Variants in LIMK2 observed in about 807,000 individuals in gnomAD.
LIMK2 encodes the protein LIM domain kinase 2.
Under a neutral mutation model 75.7 loss-of-function variants are expected in LIMK2, and 35 were observed. That is an observed-to-expected ratio of 0.46 (90% CI 0.35 to 0.61). LIMK2 has a LOEUF of 0.61. LIMK2 is among the 20% of genes least tolerant of loss of function. The probability of loss-of-function intolerance (pLI) is 0.00; values close to 1 mark genes in which losing one functional copy is unlikely to be tolerated. For synonymous variants in LIMK2, 301 were observed against 319.2 expected (o/e 0.94, Z 0.61); for missense variants, 623 against 831.0 (o/e 0.75, Z 3.08).
intron 2 of LIMK2, among the ~76,000 whole-genome samples, chr22:31,243,691 C>G (rs1337276554): frequency 6.6e-6 from 1 of 152,198 alleles, no homozygotes; most frequent in Non-Finnish European, 1.5e-5. Context: ...AATTGCCAGT[C>G]AAAGGATTCC....
At chr22:31,218,341 A>C (rs2123763154) in intron 1 of LIMK2, among the ~76,000 whole-genome samples, 1 of 152,330 alleles carries the variant, frequency 6.6e-6, no homozygotes, top group Middle Eastern at 3.4e-3. Flanking sequence ...AAACCAAAGA[A>C]GGGAAGAAGA....
intron 1 of LIMK2, among the ~76,000 whole-genome samples, chr22:31,217,080 C>G (rs1040858907): frequency 6.6e-6 from 1 of 151,832 alleles, no homozygotes; most frequent in Non-Finnish European, 1.5e-5. Flanking sequence ...TTGTTTTGTC[C>G]AGGAAAGAAA....
chr22:31,226,500 G>A, intron 2 of LIMK2, among the ~76,000 whole-genome samples: 2 of 152,264 alleles, frequency 1.3e-5, no homozygotes, highest in Non-Finnish European at 2.9e-5. Context: ...ACTGTGCCCA[G>A]CCAAGAGTTG....
In LIMK2 at chr22:31,277,081, T is replaced by C. The variant is rs151191437; in HGVS notation, c.1773-1216T>C. The C allele has an allele frequency of 2.4e-3, 3,824 of 1,613,962 alleles. 9 individuals carry two copies. Among genetic ancestry groups the C allele is most frequent in the Non-Finnish European group, 3.1e-3 (3,615 of 1,179,874 alleles). On this transcript the variant is annotated intron_variant, in intron 15 of 15. Coordinates refer to ENST00000331728, the MANE Select transcript of LIMK2 (RefSeq NM_005569.4). ...TTACAAACCCACAGAGGCCTTCATC[T>C]CTGGCCTGCTGGACAAGATCCGGGC...
chr22:31,219,563 C>CT (rs1254948546), intron 1 of LIMK2, among the ~76,000 whole-genome samples: 2 of 151,716 alleles, frequency 1.3e-5, no homozygotes, highest in Non-Finnish European at 2.9e-5. Context: ...CTGGACTCTT[C>CT]TTTTTTTTAT....
intron 14 of LIMK2, among the ~76,000 whole-genome samples, chr22:31,274,333 C>G (rs1263936747): frequency 6.6e-6 from 1 of 152,098 alleles, no homozygotes; most frequent in African/African-American, 2.4e-5. Flanking sequence ...TTCTGTAATT[C>G]CTACAAAGTT....
At chr22:31,254,219 A>G (rs573509111) in intron 2 of LIMK2, among the ~76,000 whole-genome samples, 15 of 152,350 alleles carry the variant, frequency 9.8e-5, no homozygotes, top group Non-Finnish European at 1.6e-4. Flanking sequence ...GCAGCAAACA[A>G]AAGCAGGATA....
chr22:31,230,371 T>A (rs2123783228), intron 2 of LIMK2, among the ~76,000 whole-genome samples: 1 of 152,312 alleles, frequency 6.6e-6, no homozygotes, highest in East Asian at 1.9e-4. Flanking sequence ...TGACCTGGCC[T>A]CTTGGCATGT....
At chr22:31,234,585 G>A (rs1217098331) in intron 2 of LIMK2, among the ~76,000 whole-genome samples, 1 of 151,624 alleles carries the variant, frequency 6.6e-6, no homozygotes, top group Non-Finnish European at 1.5e-5. Context: ...GCTGGTCGTG[G>A]TGGCGTGTGC....
intron 5 of LIMK2, among the ~76,000 whole-genome samples, chr22:31,260,666 T>C (rs984477319): frequency 2.0e-5 from 3 of 152,232 alleles, no homozygotes; most frequent in Admixed American, 6.5e-5. Flanking sequence ...GTATCTACCA[T>C]GTGTTGGACA....
At chr22:31,265,883 C>G in intron 7 of LIMK2, 63 bp from the exon 8 acceptor site, 3 of 1,444,676 alleles carry the variant, frequency 2.1e-6, no homozygotes, top group Non-Finnish European at 2.9e-6. Context: ...TTCCTCCCTC[C>G]AGGGTTTCTT....
chr22:31,259,030 GGTCATTCAC>G, intron 3 of LIMK2, 82 bp from the exon 4 acceptor site: 1 of 723,910 alleles, frequency 1.4e-6, no homozygotes, highest in Non-Finnish European at 2.5e-6. Flanking sequence ...CTTGCTTGGA[GGTCATTCAC>G]CCACCCCTGT....
At chr22:31,250,340 G>C (rs1055024760) in intron 2 of LIMK2, among the ~76,000 whole-genome samples, 3 of 152,126 alleles carry the variant, frequency 2.0e-5, no homozygotes, top group Non-Finnish European at 4.4e-5. Context: ...TTTACCCTTG[G>C]AGAGGCAGGG....
intron 7 of LIMK2, among the ~76,000 whole-genome samples, chr22:31,264,436 G>A (rs1329173877): frequency 6.6e-6 from 1 of 152,242 alleles, no homozygotes; most frequent in Admixed American, 6.5e-5. Flanking sequence ...CTGTTCACCT[G>A]CAGTGCTGTG....
intron 15 of LIMK2, chr22:31,277,459 T>G: frequency 8.9e-7 from 1 of 1,129,524 alleles, no homozygotes; most frequent in Non-Finnish European, 1.1e-6. Flanking sequence ...CACATTAGAG[T>G]TGAAATTTTC....
chr22:31,245,100 T>A (rs2048656535), intron 2 of LIMK2, among the ~76,000 whole-genome samples: 2 of 152,170 alleles, frequency 1.3e-5, no homozygotes, highest in Non-Finnish European at 2.9e-5. Context: ...GTTCAGTGCT[T>A]CCTTCTTCTG....
chr22:31,240,294 A>G (rs2048613486), intron 2 of LIMK2, among the ~76,000 whole-genome samples: 1 of 152,198 alleles, frequency 6.6e-6, no homozygotes, highest in South Asian at 2.1e-4. Context: ...CTCCACTGCC[A>G]TCAGTAGCAC....
Position 31,266,062 on chromosome 22 carries a change from A to G in LIMK2, c.971A>G (p.Gln324Arg), listed in dbSNP as rs779831503. 24 of 1,614,084 alleles carry G rather than the reference A, an allele frequency of 1.5e-5. No homozygotes were observed. The highest frequency in any genetic ancestry group is 6.8e-6 in the Non-Finnish European group (8 of 1,180,040). The change falls in exon 8 of 16, where the codon CAG (glutamine) becomes CGG (arginine). Residue 324 changes from glutamine to arginine, a missense_variant. Coordinates refer to ENST00000331728, the MANE Select transcript of LIMK2 (RefSeq NM_005569.4). ...CGTTGTTCCAGCAGCTATTCACAGCAGATCTTCCGGCCCTGTGACCTAATC... is the reference window on the plus strand; with the variant it reads ...CGTTGTTCCAGCAGCTATTCACAGCGGATCTTCCGGCCCTGTGACCTAATC... ...SLRCSSSYSQ[Q>R]IFRPCDLIHG...
At chr22:31,224,504 A>G (rs1282320301) in intron 1 of LIMK2, among the ~76,000 whole-genome samples, 1 of 152,154 alleles carries the variant, frequency 6.6e-6, no homozygotes, top group African/African-American at 2.4e-5. Flanking sequence ...TAGCTAGTCA[A>G]CCCTGCCCCC....
Sources: allele counts gnomAD v4.1 joint callset (sites outside exome capture counted in the v4.1 genomes callset), GRCh38; gene constraint gnomAD v4.1.1; transcripts MANE v1.5; gene names NCBI Gene and HGNC (gene_info 2026-07-23, HGNC 2026-07-21).